Variants in TYK2 observed in about 807,000 individuals in gnomAD.
The protein encoded by TYK2 is non-receptor tyrosine-protein kinase TYK2.
In TYK2, 65 loss-of-function variants were observed where a neutral mutation model predicts 130.9. The ratio of observed to expected loss-of-function variants is 0.50; its 90% CI spans 0.41 to 0.61. TYK2 has a LOEUF of 0.61. TYK2 is among the 20% of genes least tolerant of loss of function. TYK2 has a pLI of 0.00. For synonymous variants in TYK2, 647 were observed against 658.9 expected (o/e 0.98, Z 0.28); for missense variants, 1,378 against 1,610.7 (o/e 0.86, Z 2.47).
Position 10,365,633 on chromosome 19 carries a change from C to T in TYK2, c.895G>A (p.Ala299Thr). Residue 299 changes from alanine (A) to threonine (T), a missense_variant, in exon 7 of 25, where the codon GCC becomes ACC. Transcript: ENST00000525621. ...GACTCAGGGCCAGGGTCTGTAGGGG[C>T]CACCCCACTGTCCCGGATGTAGCAG... ...EPCYIRDSGV[A>T]PTDPGPESAA... 1 of 1,613,840 alleles carries T rather than the reference C, an allele frequency of 6.2e-7. No individual in the cohort carries two copies. The highest frequency in any genetic ancestry group is 8.5e-7 in the Non-Finnish European group (1 of 1,179,888).
At chr19:10,378,756 G>C (rs1197181648) in intron 2 of TYK2, among the ~76,000 whole-genome samples, 2 of 152,220 alleles carry the variant, frequency 1.3e-5, no homozygotes, top group Non-Finnish European at 2.9e-5. Context: ...TGAGGCAAGA[G>C]GATTGCTTGA....
intron 19 of TYK2, 56 bp from the exon 20 acceptor site, chr19:10,354,290 C>T: frequency 6.3e-7 from 1 of 1,590,422 alleles, no homozygotes; most frequent in Non-Finnish European, 8.6e-7. Flanking sequence ...CACCACTCCC[C>T]AACCCCCGAT....
chr19:10,355,878 C>G (rs759942117), intron 18 of TYK2, among the ~76,000 whole-genome samples: 9 of 152,064 alleles, frequency 5.9e-5, no homozygotes, highest in Admixed American at 1.3e-4. Flanking sequence ...AGGACAATTA[C>G]TTGAACCTGG....
intron 23 of TYK2, 65 bp downstream of exon 23, chr19:10,352,369 G>A: frequency 8.8e-7 from 1 of 1,136,920 alleles, no homozygotes; most frequent in Non-Finnish European, 1.3e-6. Context: ...ACCGCGCCTG[G>A]CCCAGCCTAT....
intron 1 of TYK2, among the ~76,000 whole-genome samples, 178 bp from the exon 2 acceptor site, chr19:10,379,957 C>T (rs570043514): frequency 6.6e-6 from 1 of 152,296 alleles, no homozygotes; most frequent in East Asian, 1.9e-4. Context: ...TTATGTCCAG[C>T]TCCATCCCCC....
intron 23 of TYK2, among the ~76,000 whole-genome samples, chr19:10,351,738 C>A (rs1645410113): frequency 6.6e-6 from 1 of 151,980 alleles, no homozygotes; most frequent in South Asian, 2.1e-4. Context: ...TTGTTCTTAC[C>A]GTCCAGAATT....
chr19:10,378,010 A>ATGGGTGGATGGATGGGTGGG (rs1245905985), intron 3 of TYK2, among the ~76,000 whole-genome samples: 1 of 92,350 alleles, frequency 1.1e-5, no homozygotes, highest in Admixed American at 1.2e-4. Flanking sequence ...GGATGGATGC[A>ATGGGTGGATGGATGGGTGGG]TGGGTGGATG....
In TYK2 at chr19:10,378,345, G is replaced by A; in HGVS notation, c.62C>T (p.Pro21Leu). ...CTTCAGGCCTCCCATGGCAGCCATGGGCTGGGCTCCATCCCCAACGGGCTT... is the reference window on the plus strand; with the variant it reads ...CTTCAGGCCTCCCATGGCAGCCATGAGCTGGGCTCCATCCCCAACGGGCTT... ...GSKPVGDGAQ[P>L]MAAMGGLKVL... Residue 21 changes from proline (P) to leucine (L), a missense_variant, in exon 3 of 25, where the codon CCC (proline) becomes CTC (leucine). Pro to Leu is a moderately conservative substitution (Grantham distance 98, BLOSUM62 -3). Coordinates refer to ENST00000525621, the MANE Select transcript of TYK2 (RefSeq NM_003331.5). The A allele has an allele frequency of 6.2e-7, 1 of 1,612,638 alleles. No homozygotes were observed. Among genetic ancestry groups the A allele is most frequent in the Non-Finnish European group, 8.5e-7 (1 of 1,179,906 alleles).
Position 10,362,607 on chromosome 19 carries a change from A to G in TYK2, c.1418T>C (p.Ile473Thr). 6.4e-7 allele frequency: 1 copy of G among 1,553,298 alleles called. No homozygotes were observed. Among genetic ancestry groups the G allele is most frequent in the Non-Finnish European group, 8.7e-7 (1 of 1,147,872 alleles). Reference protein sequence around the residue: ...KLRPEDGLYLIHWSTSHPYRL... With the variant: ...KLRPEDGLYLTHWSTSHPYRL... ...GTAGGGGTGGCTGGTGCTCCAGTGA[A>G]TGAGGTACAGGCCGTCCTCGGGCCG... Residue 473 changes from isoleucine (I) to threonine (T), a missense_variant, in exon 10 of 25, where the codon ATT becomes ACT. Transcript: ENST00000525621.
intron 3 of TYK2, among the ~76,000 whole-genome samples, chr19:10,373,405 C>A (rs564874550): frequency 6.6e-6 from 1 of 152,124 alleles, no homozygotes; most frequent in South Asian, 2.1e-4. Flanking sequence ...GTGGTGCGAT[C>A]TCGGCTCACT....
At chr19:10,380,175 C>A (rs535267066) in intron 1 of TYK2, among the ~76,000 whole-genome samples, 5 of 152,360 alleles carry the variant, frequency 3.3e-5, no homozygotes, top group African/African-American at 9.6e-5. Flanking sequence ...AATACCTATT[C>A]ATGTTATAGA....
intron 3 of TYK2, among the ~76,000 whole-genome samples, chr19:10,370,366 T>C (rs1176810702): frequency 1.4e-5 from 2 of 145,686 alleles, no homozygotes; most frequent in Non-Finnish European, 3.0e-5. Context: ...AAAAAAAAAT[T>C]GGCTGGCCAT....
rs1337008244 is a variant in TYK2, at chr19:10,350,680, G to A, written c.*154C>T. ...GCTCACGGCCAAGAAAGAAAAATAA[G>A]TTCACAGAGGTGGGGTCTCTAGACA... is the stretch of plus-strand genomic sequence containing the variant. On this transcript the variant is annotated 3_prime_UTR_variant, in exon 25 of 25. Coordinates refer to ENST00000525621, the MANE Select transcript of TYK2 (RefSeq NM_003331.5). 4 of 868,176 alleles carry A rather than the reference G, an allele frequency of 4.6e-6. No homozygotes were observed. The highest frequency in any genetic ancestry group is 1.7e-5 in the South Asian group (1 of 59,550). 53.8% of individuals were successfully genotyped at this position (868,176 alleles called of 1,614,324 possible).
chr19:10,369,147 C>A (rs1399238539), intron 3 of TYK2, among the ~76,000 whole-genome samples: 1 of 152,012 alleles, frequency 6.6e-6, no homozygotes, highest in African/African-American at 2.4e-5. Flanking sequence ...GGGGGGATTG[C>A]TTATTCCTGC....
In TYK2 at chr19:10,353,135, C is replaced by G; in HGVS notation, c.3028-37G>C. The G allele has an allele frequency of 2.8e-6, 4 of 1,448,126 alleles. No homozygotes were observed. Among genetic ancestry groups the G allele is most frequent in the South Asian group, 1.5e-5 (1 of 68,504 alleles). 89.7% of individuals were successfully genotyped at this position (1,448,126 alleles called of 1,614,324 possible). On this transcript the variant is annotated intron_variant, in intron 21 of 24. Transcript: ENST00000525621. The surrounding 1 kb of genome is among the most constrained non-coding windows in gnomAD (Gnocchi z 6.9). ...GCAGGGCTCGTGAGTTTCAGTGGGG[C>G]GGGGTTCGGCCGGGGGCGGCGGCAG...
chr19:10,352,460 A>C lies in TYK2; in HGVS notation c.3292T>G (p.Cys1098Gly). Residue 1098 changes from cysteine (C) to glycine (G), a missense_variant, in exon 23 of 25, where the codon TGT (cysteine) becomes GGT (glycine). Cys to Gly is a radical substitution (Grantham distance 159, BLOSUM62 -3). Coordinates refer to ENST00000525621, the MANE Select transcript of TYK2 (RefSeq NM_003331.5). The part of the protein sequence containing the change: ...GVTLYELLTH[C>G]DSSQSPPTKF... The stretch of plus-strand genomic sequence containing the variant: ...GTGGGGGGGCTCTGGCTGGAGTCAC[A>C]GTGCGTCAGCAGCTCATACAGGGTC... 1 of 1,610,712 alleles carries C rather than the reference A, an allele frequency of 6.2e-7. No individual in the cohort carries two copies. The highest frequency in any genetic ancestry group is 8.5e-7 in the Non-Finnish European group (1 of 1,178,326).
chr19:10,375,333 C>T lies in TYK2; in HGVS notation c.193+2881G>A, dbSNP rs772079382. On this transcript the variant is annotated intron_variant, in intron 3 of 24. Transcript: ENST00000525621. ...CAAAGCCGCCTTAGAAAGGCCTTTC[C>T]TTGGTTGGGCATGGTGGCTCACGCC... Among the ~76,000 whole-genome samples the T allele has an allele frequency of 3.2e-4, 48 of 152,150 alleles. 1 individual carries two copies. Among genetic ancestry groups the T allele is most frequent in the Non-Finnish European group, 5.3e-4 (36 of 67,994 alleles).
chr19:10,360,131 G>A (rs954672205), intron 14 of TYK2, among the ~76,000 whole-genome samples: 6 of 151,696 alleles, frequency 4.0e-5, no homozygotes, highest in Non-Finnish European at 5.9e-5. Flanking sequence ...GCAGTGAGCC[G>A]AGATCACGCC....
At chr19:10,380,213 G>A (rs1310894866) in intron 1 of TYK2, among the ~76,000 whole-genome samples, 167 bp downstream of exon 1, 1 of 152,238 alleles carries the variant, frequency 6.6e-6, no homozygotes, top group African/African-American at 2.4e-5. Context: ...GGCTTTCGCG[G>A]AGCCTACTTC....
Sources: gnomAD v4.1 joint callset for allele counts (sites outside exome capture counted in the v4.1 genomes callset) on GRCh38, gnomAD v4.1.1 for gene constraint, Gnocchi (gnomAD v3.1) non-coding constraint, MANE v1.5 for transcripts, NCBI Gene and HGNC (gene_info 2026-07-23, HGNC 2026-07-21) for gene names.